The following PRRC2C variants were observed in gnomAD, a reference collection of about 807,000 sequenced individuals.
PRRC2C encodes the protein proline rich coiled-coil 2C, also known as protein PRRC2C.
In PRRC2C, 72 loss-of-function variants were observed where a neutral mutation model predicts 317.2. That is an observed-to-expected ratio of 0.23 (90% CI 0.19 to 0.28). PRRC2C has a LOEUF of 0.28. Among genes scored for constraint, PRRC2C ranks in the 10% least tolerant of loss-of-function variants. The probability of loss-of-function intolerance (pLI) is 1.00; values close to 1 mark genes in which losing one functional copy is unlikely to be tolerated. For missense variants in PRRC2C, 3,074 were observed against 3,459.7 expected (o/e 0.89, Z 2.80); for synonymous variants, 1,296 against 1,205.9 (o/e 1.07, Z -1.55).
chr1:171,554,246 C>G (rs1680897547), intron 18 of PRRC2C, among the ~76,000 whole-genome samples: 1 of 152,058 alleles, frequency 6.6e-6, no homozygotes, highest in Non-Finnish European at 1.5e-5. Flanking sequence ...CTCTTTTGAT[C>G]TTTGTTGGTT....
intron 1 of PRRC2C, among the ~76,000 whole-genome samples, chr1:171,495,504 T>G (rs1000666668): frequency 6.6e-6 from 1 of 152,258 alleles, no homozygotes; most frequent in Non-Finnish European, 1.5e-5. Flanking sequence ...TTATTTCATA[T>G]TGACCACATT....
intron 1 of PRRC2C, among the ~76,000 whole-genome samples, chr1:171,505,067 G>A (rs939006069): frequency 7.6e-6 from 1 of 131,076 alleles, no homozygotes; most frequent in African/African-American, 2.8e-5. Context: ...CACTCTTGTT[G>A]CCCAGGCTGG....
intron 6 of PRRC2C, among the ~76,000 whole-genome samples, chr1:171,519,178 C>T (rs534240139): frequency 1.3e-5 from 2 of 152,188 alleles, no homozygotes; most frequent in South Asian, 4.2e-4. Flanking sequence ...GTCACCATGC[C>T]CGCTCTTTTC....
intron 21 of PRRC2C, 49 bp downstream of exon 21, chr1:171,566,470 T>C (rs1470638028): frequency 2.7e-6 from 4 of 1,505,534 alleles, no homozygotes; most frequent in Non-Finnish European, 3.6e-6. Context: ...GCCACTGACA[T>C]GAAGAGCAAA....
intron 24 of PRRC2C, among the ~76,000 whole-genome samples, chr1:171,573,093 A>G (rs1318584707): frequency 6.6e-6 from 1 of 152,214 alleles, no homozygotes; most frequent in Non-Finnish European, 1.5e-5. Flanking sequence ...CACTTGTTCT[A>G]AAGTGTATGA....
At chr1:171,530,183 C>T (rs1262435405) in intron 11 of PRRC2C, among the ~76,000 whole-genome samples, 1 of 144,014 alleles carries the variant, frequency 6.9e-6, no homozygotes, top group African/African-American at 2.6e-5. Flanking sequence ...CCAAAGAATG[C>T]AAAGATATGT....
intron 16 of PRRC2C, 143 bp from the exon 17 acceptor site, chr1:171,545,336 C>G: frequency 1.5e-6 from 1 of 652,586 alleles, no homozygotes; most frequent in Non-Finnish European, 2.5e-6. Flanking sequence ...ACAAAAGTTA[C>G]TAATGCTTGT....
chr1:171,565,509 G>T (rs905566741), intron 20 of PRRC2C, among the ~76,000 whole-genome samples: 1 of 152,132 alleles, frequency 6.6e-6, no homozygotes, highest in Non-Finnish European at 1.5e-5. Context: ...GTGCAGTGGC[G>T]CAACCTAGGC....
chr1:171,537,232 CA>C (rs1177128732), intron 14 of PRRC2C, 30 bp from the exon 15 acceptor site: 1 of 1,499,342 alleles, frequency 6.7e-7, no homozygotes, highest in East Asian at 2.4e-5. Flanking sequence ...TCAAAATCCT[CA>C]TTTCACCTTT....
At chr1:171,503,523 C>CAA (rs796466638) in intron 1 of PRRC2C, among the ~76,000 whole-genome samples, 3 of 126,430 alleles carry the variant, frequency 2.4e-5, no homozygotes, top group Non-Finnish European at 3.4e-5. Context: ...GACTCCATCT[C>CAA]AAAAAAAAAA....
intron 18 of PRRC2C, among the ~76,000 whole-genome samples, chr1:171,554,809 T>C (rs1417352330): frequency 1.3e-5 from 2 of 152,264 alleles, no homozygotes; most frequent in South Asian, 2.1e-4. Context: ...TTCTGGCTTA[T>C]AGAGTTTCTG....
chr1:171,491,435 C>G (rs902762454), intron 1 of PRRC2C, among the ~76,000 whole-genome samples: 1 of 152,224 alleles, frequency 6.6e-6, no homozygotes, highest in African/African-American at 2.4e-5. Flanking sequence ...CTCCACTTCT[C>G]TCTCCAAGGC....
At chr1:171,574,572 A>G (rs894343328) in intron 24 of PRRC2C, among the ~76,000 whole-genome samples, 2 of 152,236 alleles carry the variant, frequency 1.3e-5, no homozygotes, top group African/African-American at 4.8e-5. Context: ...GAAGCAGCCA[A>G]CCAAAAGATG....
intron 11 of PRRC2C, among the ~76,000 whole-genome samples, chr1:171,532,108 C>T (rs1025178911): frequency 1.3e-5 from 2 of 152,152 alleles, no homozygotes; most frequent in African/African-American, 4.8e-5. Flanking sequence ...ACGTCTGGCA[C>T]AATAATAGGT....
chr1:171,535,490 G>A lies in PRRC2C; in HGVS notation c.1936G>A (p.Val646Met). ...NRSEKEATPVVHETEPESGSQ... is the reference protein window; with the variant it reads ...NRSEKEATPVMHETEPESGSQ... ...CAGTGAAAAGGAAGCCACACCAGTGGTGCATGAAACAGAACCAGAATCAGG... is the reference window on the plus strand; with the variant it reads ...CAGTGAAAAGGAAGCCACACCAGTGATGCATGAAACAGAACCAGAATCAGG... Residue 646 changes from valine (V) to methionine (M), a missense_variant, in exon 13 of 35, where the codon GTG (valine) becomes ATG (methionine). Physicochemically the swap from Val to Met is conservative, Grantham distance 21. Coordinates refer to ENST00000647382, the MANE Select transcript of PRRC2C (RefSeq NM_001387844.1). The A allele has an allele frequency of 6.2e-7, 1 of 1,613,988 alleles. No individual in the cohort carries two copies. Among genetic ancestry groups the A allele is most frequent in the Non-Finnish European group, 8.5e-7 (1 of 1,179,882 alleles).
At chr1:171,514,235 A>C (rs751000312) in intron 3 of PRRC2C, among the ~76,000 whole-genome samples, 1 of 149,360 alleles carries the variant, frequency 6.7e-6, no homozygotes, top group Admixed American at 6.7e-5. Context: ...ATATTTGGTA[A>C]CTGTGTTTAA....
chr1:171,545,386 A>C, intron 16 of PRRC2C, 93 bp from the exon 17 acceptor site: 26 of 1,057,836 alleles, frequency 2.5e-5, no homozygotes, highest in Non-Finnish European at 3.4e-5. Context: ...ACAGTGTTTC[A>C]TCTTAGAATG....
intron 4 of PRRC2C, 22 bp from the exon 5 acceptor site, chr1:171,515,712 G>GT (rs1287689612): frequency 4.5e-6 from 7 of 1,555,220 alleles, no homozygotes; most frequent in South Asian, 1.2e-5. Flanking sequence ...TACCTTTAAT[G>GT]TTTTTTTAAA....
rs1683454994 is a variant in PRRC2C, at chr1:171,565,389, G to A, written c.6118-844G>A. Among the ~76,000 whole-genome samples, 5 of 152,298 alleles carry A rather than the reference G, an allele frequency of 3.3e-5. No homozygotes were observed. The South Asian group carries it at 1.0e-3, about 32-fold the overall frequency. On this transcript the variant is annotated intron_variant, in intron 20 of 34. Coordinates refer to ENST00000647382, the MANE Select transcript of PRRC2C (RefSeq NM_001387844.1). The stretch of plus-strand genomic sequence containing the variant: ...CTTCACCTGCTAGAATGCAAATTGT[G>A]CAATTAGACTGATTAGCACATCTGA...
Sources: allele counts gnomAD v4.1 joint callset (sites outside exome capture counted in the v4.1 genomes callset), GRCh38; gene constraint gnomAD v4.1.1; transcripts MANE v1.5; gene names NCBI Gene and HGNC (gene_info 2026-07-23, HGNC 2026-07-21).